Variants in VPS13A observed in about 807,000 individuals in gnomAD.
The protein encoded by VPS13A is intermembrane lipid transfer protein VPS13A.
Under a neutral mutation model 390.9 loss-of-function variants are expected in VPS13A, and 264 were observed. The observed-to-expected ratio is 0.68, with a 90% CI of 0.61 to 0.75. The LOEUF (loss-of-function observed/expected upper bound fraction) is 0.75. Ranked by LOEUF, VPS13A falls within the 30% of genes least tolerant of loss-of-function variation. The pLI is 0.00. For missense variants in VPS13A, 3,409 were observed against 3,733.9 expected (o/e 0.91, Z 2.27); for synonymous variants, 1,231 against 1,227.1 (o/e 1.00, Z -0.07).
intron 31 of VPS13A, among the ~76,000 whole-genome samples, chr9:77,288,057 C>T (rs1329471690): frequency 6.6e-6 from 1 of 152,140 alleles, no homozygotes; most frequent in Non-Finnish European, 1.5e-5. Context: ...ATCCTAGCAC[C>T]TTAGAATCAC....
Position 77,295,779 on chromosome 9 carries a change from A to G in VPS13A, c.3745A>G (p.Ser1249Gly), listed in dbSNP as rs1396999750. Reference sequence around the variant, plus strand: ...AAATACCTTTCATATGATAACAGAGAGCCAGAGCTCTCCCCCACCTGTTAT... The same window carrying G: ...AAATACCTTTCATATGATAACAGAGGGCCAGAGCTCTCCCCCACCTGTTAT... ...MTNTFHMITE[S>G]QSSPPPVIDL... Residue 1249 changes from serine (S) to glycine (G), a missense_variant, in exon 33 of 72, where the codon AGC becomes GGC. Physicochemically the swap from Ser to Gly is moderately conservative, Grantham distance 56. This residue lies in a region of VPS13A where 2,717 missense variants were observed against 2,917.4 expected (regional missense o/e 0.93). Transcript: ENST00000360280. 6.2e-7 allele frequency: 1 copy of G among 1,614,026 alleles called. No individual in the cohort carries two copies. Among genetic ancestry groups the G allele is most frequent in the Non-Finnish European group, 8.5e-7 (1 of 1,179,960 alleles).
intron 48 of VPS13A, 120 bp downstream of exon 48, chr9:77,340,031 G>A (rs1202630127): frequency 1.3e-5 from 18 of 1,394,930 alleles, no homozygotes; most frequent in Non-Finnish European, 1.8e-5. Context: ...AAATATTTGA[G>A]GCCAAAAAGA....
intron 17 of VPS13A, among the ~76,000 whole-genome samples, chr9:77,235,018 G>C (rs534635697): frequency 4.1e-4 from 62 of 152,150 alleles, no homozygotes; most frequent in African/African-American, 1.4e-3. Context: ...ATTAGTCTAG[G>C]TTTATATTTG....
chr9:77,321,210 T>C lies in VPS13A; in HGVS notation c.5457T>C (p.Pro1819=). 6.2e-7 allele frequency: 1 copy of C among 1,612,712 alleles called. No homozygotes were observed. Among genetic ancestry groups the C allele is most frequent in the South Asian group, 1.1e-5 (1 of 90,972 alleles). Residue 1819 remains proline (P), a synonymous_variant, in exon 43 of 72, where the codon CCT becomes CCC. Transcript: ENST00000360280. Reference sequence around the variant, plus strand: ...AAATGGCCATTGTTGAGTCAGATCCTGAAGAAGAAAACTACAAAGTGCCAG... The same window carrying C: ...AAATGGCCATTGTTGAGTCAGATCCCGAAGAAGAAAACTACAAAGTGCCAG... ...KAKMAIVESD[P]EEENYKVPEY...
At position 77,283,432 on chromosome 9, in the gene VPS13A, C is replaced by A; in HGVS notation, c.3196C>A (p.Gln1066Lys). ...AELSCLQIFI[Q>K]DQKCNISEIK... Reference sequence around the variant, plus strand: ...ATTATCGTGTTTACAGATCTTTATTCAAGATCAGAAATGTAACATTTCTGA... The same window carrying A: ...ATTATCGTGTTTACAGATCTTTATTAAAGATCAGAAATGTAACATTTCTGA... The change falls in exon 30 of 72, where the codon CAA becomes AAA. Residue 1066 changes from glutamine to lysine, a missense_variant. By Grantham distance (53) the Gln-to-Lys change is moderately conservative. Transcript: ENST00000360280. The A allele has an allele frequency of 6.2e-7, 1 of 1,604,796 alleles. No homozygotes were observed. Among genetic ancestry groups the A allele is most frequent in the South Asian group, 1.1e-5 (1 of 90,708 alleles).
At chr9:77,341,954 A>G (rs1422453136) in intron 50 of VPS13A, among the ~76,000 whole-genome samples, 3 of 152,006 alleles carry the variant, frequency 2.0e-5, no homozygotes, top group Non-Finnish European at 2.9e-5. Context: ...ACCGTAATCA[A>G]TTAGTATATA....
At chr9:77,221,482 T>A (rs1823210862) in intron 13 of VPS13A, 126 bp downstream of exon 13, 2 of 1,021,530 alleles carry the variant, frequency 2.0e-6, no homozygotes, top group Non-Finnish European at 2.9e-6. Context: ...TTACTTAGAC[T>A]TTTTTGTGCT....
At chr9:77,181,112 A>G (rs1823989014) in intron 1 of VPS13A, among the ~76,000 whole-genome samples, 1 of 152,240 alleles carries the variant, frequency 6.6e-6, no homozygotes, top group African/African-American at 2.4e-5. Context: ...GTTTTGATAA[A>G]TGAAACTTTA....
chr9:77,311,677 C>T (rs1219003117), intron 35 of VPS13A, among the ~76,000 whole-genome samples: 1 of 151,904 alleles, frequency 6.6e-6, no homozygotes, highest in Admixed American at 6.6e-5. Context: ...AAGATATGAA[C>T]AAAAAAATCG....
Position 77,216,100 on chromosome 9 carries a change from A to C in VPS13A, c.754+1714A>C, listed in dbSNP as rs73464098. ...GAACATACTGGAACCAGGCAGCATA[A>C]CTCTTTCCTCCTGCAGTGTCTCTCC... On this transcript the variant is annotated intron_variant, in intron 10 of 71. Coordinates refer to ENST00000360280, the MANE Select transcript of VPS13A (RefSeq NM_033305.3). Among the ~76,000 whole-genome samples, 533 of 152,108 alleles carry C rather than the reference A, an allele frequency of 3.5e-3. 3 individuals carry two copies. The highest frequency in any genetic ancestry group is 0.012 in the African/African-American group (507 of 41,466).
chr9:77,387,380 A>G (rs528590976), intron 68 of VPS13A, among the ~76,000 whole-genome samples: 3 of 152,296 alleles, frequency 2.0e-5, no homozygotes, highest in African/African-American at 7.2e-5. Flanking sequence ...GTAATGCCAC[A>G]CCTTTCCATA....
Position 77,360,647 on chromosome 9 carries a change from A to G in VPS13A, c.8211+6A>G. On this transcript the variant is annotated splice_donor_region_variant and intron_variant, in intron 59 of 71. Coordinates refer to ENST00000360280, the MANE Select transcript of VPS13A (RefSeq NM_033305.3). Reference sequence around the variant, plus strand: ...AGGTGACTGAAAATACAGAGGTAAGACTTAAAATAATAACATTTGATGGAA... The same window carrying G: ...AGGTGACTGAAAATACAGAGGTAAGGCTTAAAATAATAACATTTGATGGAA... 1.3e-6 allele frequency: 2 copies of G among 1,582,760 alleles called. No individual in the cohort carries two copies. The highest frequency in any genetic ancestry group is 1.7e-6 in the Non-Finnish European group (2 of 1,152,132).
chr9:77,285,997 A>C (rs1227135470), intron 31 of VPS13A, among the ~76,000 whole-genome samples: 1 of 152,068 alleles, frequency 6.6e-6, no homozygotes, highest in Non-Finnish European at 1.5e-5. Flanking sequence ...TGTTTCCTTA[A>C]ATCGGTATTT....
In VPS13A at chr9:77,339,777, C is replaced by T; in HGVS notation, c.6640C>T (p.Pro2214Ser). The change falls in exon 48 of 72, where the codon CCT (proline) becomes TCT (serine). Residue 2214 changes from proline to serine, a missense_variant. Physicochemically the swap from Pro to Ser is moderately conservative, Grantham distance 74. Around this residue, in one of 5 missense-constraint regions of VPS13A, gnomAD observed 2,717 missense variants for 2,917.4 expected, o/e 0.93. Coordinates refer to ENST00000360280, the MANE Select transcript of VPS13A (RefSeq NM_033305.3). The part of the protein sequence containing the change: ...TGQTVVAFHS[P>S]YWMVNKTGRM... ...TCAGACAGTTGTGGCATTTCATAGT[C>T]CTTATTGGATGGTCAATAAAACTGG... The T allele has an allele frequency of 1.2e-6, 2 of 1,614,058 alleles. No individual in the cohort carries two copies. Among genetic ancestry groups the T allele is most frequent in the Non-Finnish European group, 1.7e-6 (2 of 1,179,980 alleles).
In VPS13A at chr9:77,283,486, CAAA is replaced by C. The variant is rs777211200; in HGVS notation, c.3235+18_3235+20del. On this transcript the variant is annotated intron_variant, in intron 30 of 71. Transcript: ENST00000360280. ...TAAGATTGAAGGTAATAAAATTTCA[CAAA>C]AAGCAAATTAAAAGACATTAAATGA... 6.2e-7 allele frequency: 1 copy of C among 1,604,312 alleles called. No homozygotes were observed. Among genetic ancestry groups the C allele is most frequent in the African/African-American group, 1.3e-5 (1 of 74,700 alleles).
At chr9:77,292,423 A>C (rs990073986) in intron 31 of VPS13A, among the ~76,000 whole-genome samples, 11 of 151,810 alleles carry the variant, frequency 7.2e-5, no homozygotes, top group African/African-American at 2.4e-4. Context: ...GTGACCTCAG[A>C]TTGCTAATGG....
intron 32 of VPS13A, among the ~76,000 whole-genome samples, chr9:77,294,257 C>G (rs983105070): frequency 6.6e-6 from 1 of 152,170 alleles, no homozygotes; most frequent in African/African-American, 2.4e-5. Context: ...CTGTGAATAT[C>G]AGGGACTTTA....
At chr9:77,381,697 A>T (rs1833447130) in intron 67 of VPS13A, among the ~76,000 whole-genome samples, 1 of 152,170 alleles carries the variant, frequency 6.6e-6, no homozygotes. Flanking sequence ...TTATAGCATT[A>T]TACTAAAGAA....
At chr9:77,236,305 G>T (rs1824139180) in intron 17 of VPS13A, among the ~76,000 whole-genome samples, 1 of 152,034 alleles carries the variant, frequency 6.6e-6, no homozygotes, top group Admixed American at 6.5e-5. Flanking sequence ...TATTTTCCTG[G>T]TTTTCTTTAG....
Sources: gnomAD v4.1 joint callset for allele counts (sites outside exome capture counted in the v4.1 genomes callset) on GRCh38, gnomAD v4.1.1 for gene constraint, gnomAD v4.1.1 regional missense constraint, MANE v1.5 for transcripts, NCBI Gene and HGNC (gene_info 2026-07-23, HGNC 2026-07-21) for gene names.